The following NPC1 variants were observed in gnomAD, a reference collection of about 807,000 sequenced individuals.
The protein encoded by NPC1 is NPC intracellular cholesterol transporter 1.
Under a neutral mutation model 140.4 loss-of-function variants are expected in NPC1, and 85 were observed. That is an observed-to-expected ratio of 0.61 (90% CI 0.51 to 0.72). The LOEUF (loss-of-function observed/expected upper bound fraction) is 0.72, where lower values mean the gene tolerates loss of function less well. Ranked by LOEUF, NPC1 falls within the 30% of genes least tolerant of loss-of-function variation. NPC1 has a pLI of 0.00. For missense variants in NPC1, 1,504 were observed against 1,623.8 expected (o/e 0.93, Z 1.27); for synonymous variants, 656 against 624.8 (o/e 1.05, Z -0.74).
chr18:23,562,887 T>A (rs2059064601), intron 4 of NPC1, among the ~76,000 whole-genome samples: 2 of 152,108 alleles, frequency 1.3e-5, no homozygotes, highest in African/African-American at 2.4e-5. Flanking sequence ...TACAATATAA[T>A]TACATGTAAT....
intron 4 of NPC1, among the ~76,000 whole-genome samples, chr18:23,567,821 C>A (rs2059147973): frequency 6.6e-6 from 1 of 152,126 alleles, no homozygotes; most frequent in Non-Finnish European, 1.5e-5. Flanking sequence ...CATTAGTATT[C>A]CTATTGCTTC....
chr18:23,531,370 T>C (rs73392106), downstream of NPC1: 2,759 of 546,060 alleles, frequency 5.1e-3, 63 homozygotes, highest in African/African-American at 0.049. Context: ...GGCTGTCTAA[T>C]GAAACTTCTA....
intron 3 of NPC1, chr18:23,515,949 C>T: frequency 1.9e-6 from 3 of 1,614,182 alleles, no homozygotes; most frequent in South Asian, 2.2e-5. Context: ...CGTGATCTTG[C>T]TGTCTACCAC....
At chr18:23,549,708 C>A (rs2058839732) in intron 10 of NPC1, among the ~76,000 whole-genome samples, 1 of 149,934 alleles carries the variant, frequency 6.7e-6, no homozygotes, top group East Asian at 1.9e-4. Context: ...ACCTCACCCA[C>A]TTTTCTTTCA....
rs761653115 is a variant in NPC1, at chr18:23,533,402, C to T, written c.3707G>A (p.Gly1236Glu). The change falls in exon 24 of 25, where the codon GGA (glycine) becomes GAA (glutamate). Residue 1236 changes from glycine to glutamate, a missense_variant. Transcript: ENST00000269228. Reference sequence around the variant, plus strand: ...GAGAAATATTAATCCGTGAGTGGCTCCCAGTAAGACCATGGCCAAATACAT... The same window carrying T: ...GAGAAATATTAATCCGTGAGTGGCTTCCAGTAAGACCATGGCCAAATACAT... ...FRMYLAMVLL[G>E]ATHGLIFLPV... 1.9e-6 allele frequency: 3 copies of T among 1,614,136 alleles called. No homozygotes were observed. The highest frequency in any genetic ancestry group is 2.5e-6 in the Non-Finnish European group (3 of 1,179,998).
At chr18:23,566,438 TAAATAAA>T (rs2059124820) in intron 4 of NPC1, among the ~76,000 whole-genome samples, 1 of 152,034 alleles carries the variant, frequency 6.6e-6, no homozygotes, top group African/African-American at 2.4e-5. Flanking sequence ...ATTTAAAAAC[TAAATAAA>T]AATAATAATG....
chr18:23,552,310 A>ATAT (rs2058884707), intron 9 of NPC1, among the ~76,000 whole-genome samples: 1 of 152,118 alleles, frequency 6.6e-6, no homozygotes, highest in Non-Finnish European at 1.5e-5. Flanking sequence ...AATAATAATA[A>ATAT]TTCAAAGAAA....
chr18:23,572,132 C>T lies in NPC1; in HGVS notation c.229G>A (p.Val77Ile), dbSNP rs754380762. The T allele has an allele frequency of 1.9e-6, 3 of 1,613,800 alleles. No individual in the cohort carries two copies. Among genetic ancestry groups the T allele is most frequent in the Non-Finnish European group, 8.5e-7 (1 of 1,179,808 alleles). ...FFGNVSLCCD[V>I]RQLQTLKDNL... ...TCTTTTAGTGTCTGAAGCTGCCGAA[C>T]ATCACAACAGAGACTGACATTGCCA... Residue 77 changes from valine (V) to isoleucine (I), a missense_variant, in exon 3 of 25, where the codon GTT becomes ATT. Val to Ile is a conservative substitution (Grantham distance 29, BLOSUM62 3). Transcript: ENST00000269228.
downstream of NPC1, among the ~76,000 whole-genome samples, chr18:23,520,559 A>C (rs897844583): frequency 1.3e-5 from 2 of 152,198 alleles, no homozygotes; most frequent in Admixed American, 6.5e-5. Flanking sequence ...TCCTGGGTTC[A>C]AGTGATTATC....
chr18:23,546,393 T>C (rs900637761), intron 11 of NPC1, among the ~76,000 whole-genome samples: 53 of 151,782 alleles, frequency 3.5e-4, no homozygotes, highest in African/African-American at 1.2e-3. Context: ...TGCGAACGAA[T>C]TGGAAGTTTC....
downstream of NPC1, among the ~76,000 whole-genome samples, chr18:23,519,837 G>A (rs1465842292): frequency 6.6e-6 from 1 of 152,036 alleles, no homozygotes; most frequent in Non-Finnish European, 1.5e-5. Flanking sequence ...GGGTCCTGTG[G>A]GCTGGGCCTC....
chr18:23,572,228 A>G, intron 2 of NPC1, 48 bp from the exon 3 acceptor site: 1 of 1,292,022 alleles, frequency 7.7e-7, no homozygotes. Flanking sequence ...CAGTTAGAGT[A>G]AGGTCAACAT....
At chr18:23,547,879 A>G in intron 11 of NPC1, 127 bp downstream of exon 11, 2 of 776,794 alleles carry the variant, frequency 2.6e-6, no homozygotes, top group South Asian at 2.7e-5. Flanking sequence ...ATTAGTACCA[A>G]GTGAACAAAA....
intron 18 of NPC1, 101 bp from the exon 19 acceptor site, chr18:23,539,571 C>G: frequency 1.1e-6 from 1 of 876,612 alleles, no homozygotes; most frequent in South Asian, 1.6e-5. Context: ...ACGTTTTATA[C>G]TGCTAACAGT....
At chr18:23,537,106 T>C (rs554308143) in intron 20 of NPC1, among the ~76,000 whole-genome samples, 2 of 152,214 alleles carry the variant, frequency 1.3e-5, no homozygotes, top group African/African-American at 4.8e-5. Flanking sequence ...TCTTGCTCTG[T>C]AGCCCAGGCT....
At chr18:23,529,121 A>G, downstream of NPC1, 3 of 1,582,106 alleles carry the variant, frequency 1.9e-6, no homozygotes, top group Non-Finnish European at 2.6e-6. Flanking sequence ...GATGAACTGT[A>G]AACAGCACCC....
chr18:23,555,921 G>A (rs2058943347), intron 8 of NPC1, among the ~76,000 whole-genome samples: 1 of 152,164 alleles, frequency 6.6e-6, no homozygotes, highest in African/African-American at 2.4e-5. Context: ...TTCCTAAGGT[G>A]ACTTCCTAAT....
Position 23,556,552 on chromosome 18 carries a change from G to A in NPC1, c.1017C>T (p.Phe339=), listed in dbSNP as rs780587137. Residue 339 remains phenylalanine (F), a synonymous_variant, in exon 8 of 25, where the codon TTC becomes TTT. Transcript: ENST00000269228. ...AAFEGCLRRL[F]TRWGSFCVRN... ...GGACGCAGAAAGACCCCCAGCGTGTGAACAGCCGCCTCAAGCAGCCCTCAA... is the reference window on the plus strand; with the variant it reads ...GGACGCAGAAAGACCCCCAGCGTGTAAACAGCCGCCTCAAGCAGCCCTCAA... 3 of 1,614,152 alleles carry A rather than the reference G, an allele frequency of 1.9e-6. No homozygotes were observed. Among genetic ancestry groups the A allele is most frequent in the South Asian group, 2.2e-5 (2 of 91,074 alleles).
rs552498467 is a variant in NPC1, at chr18:23,536,225, T to G, written c.3245+448A>C. Among the ~76,000 whole-genome samples, 13 of 152,248 alleles carry G rather than the reference T, an allele frequency of 8.5e-5. 1 individual carries two copies. In the East Asian group the frequency reaches 2.5e-3, roughly 29 times the overall value. On this transcript the variant is annotated intron_variant, in intron 21 of 24. Transcript: ENST00000269228. ...TCCTACCTTTCTACAGTTTCTAAAT[T>G]CAGTAGTTCATACATAATACTTTTC...
Sources: gnomAD v4.1 joint callset for allele counts (sites outside exome capture counted in the v4.1 genomes callset) on GRCh38, gnomAD v4.1.1 for gene constraint, MANE v1.5 for transcripts, NCBI Gene and HGNC (gene_info 2026-07-23, HGNC 2026-07-21) for gene names.